The following FRY variants were observed in gnomAD, a reference collection of about 807,000 sequenced individuals.
FRY encodes the protein FRY microtubule binding protein, also known as protein furry homolog.
FRY carries 128 observed loss-of-function variants against 348.4 expected under a neutral mutation model. The observed-to-expected ratio is 0.37, with a 90% CI of 0.32 to 0.43. The LOEUF (loss-of-function observed/expected upper bound fraction) is 0.43, where lower values mean the gene tolerates loss of function less well. Ranked by LOEUF, FRY falls within the 20% of genes least tolerant of loss-of-function variation. FRY has a pLI of 1.00. For synonymous variants in FRY, 1,370 were observed against 1,374.7 expected, an observed-to-expected ratio of 1.00 and a Z score of 0.08; for missense variants, 2,736 against 3,695.2, an observed-to-expected ratio of 0.74 and a Z score of 6.73.
At chr13:32,265,077 T>C (rs1339624095) in intron 53 of FRY, among the ~76,000 whole-genome samples, 1 of 152,224 alleles carries the variant, frequency 6.6e-6, no homozygotes, top group African/African-American at 2.4e-5. Context: ...GGACCTGATA[T>C]TAGACAAGTC....
intron 41 of FRY, among the ~76,000 whole-genome samples, chr13:32,234,371 C>T (rs1194118057): frequency 6.6e-6 from 1 of 151,652 alleles, no homozygotes; most frequent in Admixed American, 6.6e-5. Flanking sequence ...TGCAGTGAGC[C>T]GTGATCATGC....
At chr13:32,155,893 A>G (rs146262649) in intron 15 of FRY, among the ~76,000 whole-genome samples, 3 of 152,300 alleles carry the variant, frequency 2.0e-5, no homozygotes, top group East Asian at 1.9e-4. Context: ...ACTTTTATCT[A>G]TGGTCTTTTT....
chr13:32,168,406 T>C (rs1486810503), intron 17 of FRY, among the ~76,000 whole-genome samples: 1 of 152,142 alleles, frequency 6.6e-6, no homozygotes, highest in African/African-American at 2.4e-5. Context: ...TAAATGTTAA[T>C]CTCATCCACA....
At chr13:32,121,592 G>T in intron 4 of FRY, among the ~76,000 whole-genome samples, 1 of 152,176 alleles carries the variant, frequency 6.6e-6, no homozygotes, top group East Asian at 1.9e-4. Flanking sequence ...TCTGAGAATT[G>T]TCTACTCATG....
rs568411517 is a variant in FRY at position 32,092,043 on chromosome 13, A to G, written c.271-9920A>G. 2.0e-5 allele frequency among the ~76,000 whole-genome samples: 3 copies of G among 152,374 alleles called. No individual in the cohort carries two copies. In the East Asian group the frequency reaches 5.8e-4, roughly 29 times the overall value. On this transcript the variant is annotated intron_variant, in intron 2 of 60. Transcript: ENST00000542859. ...TAACTCCAATAGCATTGCTGGGTTA[A>G]ACACATTCATTGAAATCTCTCTAAA... is the stretch of plus-strand genomic sequence containing the variant.
chr13:32,235,871 T>C lies in FRY; in HGVS notation c.5716-207T>C, dbSNP rs369397748. ...AAATGAAAGTGATCTGTTGAGGCTC[T>C]TAGACATAGGAAAATAAATTTGTAT... On this transcript the variant is annotated intron_variant, in intron 42 of 60. Transcript: ENST00000542859. 5.3e-5 allele frequency among the ~76,000 whole-genome samples: 8 copies of C among 152,326 alleles called. No individual in the cohort carries two copies. The South Asian group carries it at 1.2e-3, about 24-fold the overall frequency.
chr13:32,038,275 A>G (rs1490375091), intron 1 of FRY, among the ~76,000 whole-genome samples: 1 of 152,250 alleles, frequency 6.6e-6, no homozygotes, highest in African/African-American at 2.4e-5. Context: ...TAGAACTTTT[A>G]AAAAATGCAA....
intron 2 of FRY, among the ~76,000 whole-genome samples, chr13:32,097,651 G>A (rs1326568076): frequency 6.6e-6 from 1 of 151,744 alleles, no homozygotes; most frequent in African/African-American, 2.4e-5. Flanking sequence ...ATAAGCCACC[G>A]TGCCCGGCCC....
chr13:32,218,951 T>C lies in FRY; in HGVS notation c.4765+120T>C, dbSNP rs1593757927. The C allele has an allele frequency of 4.3e-6, 3 of 699,942 alleles. No individual in the cohort carries two copies. In the East Asian group the frequency reaches 8.2e-5, roughly 19 times the overall value. The allele number at this position is 699,942 out of a possible 1,614,324, so 43.4% of individuals were successfully genotyped here. ...AGGGCCTATAGATATTAAGTAACCA[T>C]TTAATCCACCTATGCAGATGAGCAT... On this transcript the variant is annotated intron_variant, in intron 36 of 60. Coordinates refer to ENST00000542859, the MANE Select transcript of FRY (RefSeq NM_023037.3).
rs769832751 is a variant in FRY at position 32,155,680 on chromosome 13, A to G, written c.1651+18A>G. 6.3e-6 allele frequency: 10 copies of G among 1,590,244 alleles called. No individual in the cohort carries two copies. The highest frequency in any genetic ancestry group is 1.1e-5 in the South Asian group (1 of 90,206). On this transcript the variant is annotated intron_variant, in intron 15 of 60. Transcript: ENST00000542859. Reference sequence around the variant, plus strand: ...AATGATAGGTGAGTTTCAGAAGTGCATAAGAACTAAGCCTTATTAAGCCCT... The same window carrying G: ...AATGATAGGTGAGTTTCAGAAGTGCGTAAGAACTAAGCCTTATTAAGCCCT...
intron 1 of FRY, among the ~76,000 whole-genome samples, chr13:32,056,239 T>G (rs1235501896): frequency 2.0e-5 from 3 of 147,078 alleles, no homozygotes; most frequent in Admixed American, 1.4e-4. Flanking sequence ...AGAGAATGGG[T>G]GATCTTTGGA....
intron 17 of FRY, among the ~76,000 whole-genome samples, chr13:32,168,628 C>A (rs1390148297): frequency 6.6e-6 from 1 of 152,228 alleles, no homozygotes. Flanking sequence ...CTTCTTTCAG[C>A]AACTACTGAA....
intron 29 of FRY, among the ~76,000 whole-genome samples, chr13:32,195,306 A>G (rs771385835): frequency 1.3e-5 from 2 of 152,188 alleles, no homozygotes; most frequent in Non-Finnish European, 2.9e-5. Context: ...CTGATTTTCC[A>G]TCAAGTTTTA....
chr13:32,154,617 A>G (rs1880992900), intron 14 of FRY, among the ~76,000 whole-genome samples: 1 of 152,206 alleles, frequency 6.6e-6, no homozygotes, highest in Admixed American at 6.5e-5. Context: ...AAAGTTAATG[A>G]GCAGTGCTGG....
intron 2 of FRY, among the ~76,000 whole-genome samples, chr13:32,098,022 C>T (rs451758): frequency 0.49 from 74,020 of 151,720 alleles, 18,717 homozygotes; most frequent in South Asian, 0.65. Flanking sequence ...AACTGGACAC[C>T]ACTGTCCTAG....
chr13:32,092,402 A>G (rs1252287485), intron 2 of FRY, among the ~76,000 whole-genome samples: 1 of 152,216 alleles, frequency 6.6e-6, no homozygotes, highest in South Asian at 2.1e-4. Flanking sequence ...ACAGAGATGT[A>G]TGATATGAAA....
At chr13:32,189,210 A>T (rs1326172366) in intron 28 of FRY, among the ~76,000 whole-genome samples, 1 of 152,180 alleles carries the variant, frequency 6.6e-6, no homozygotes, top group Non-Finnish European at 1.5e-5. Context: ...CTTCAATTTC[A>T]GCAGGATTCA....
chr13:32,064,029 G>A (rs1274424048), intron 1 of FRY, among the ~76,000 whole-genome samples: 3 of 152,152 alleles, frequency 2.0e-5, no homozygotes, highest in South Asian at 2.1e-4. Flanking sequence ...GCTACAGGAC[G>A]AATAAAGCAA....
At chr13:32,273,762 T>C (rs1467252625) in intron 55 of FRY, among the ~76,000 whole-genome samples, 3 of 152,192 alleles carry the variant, frequency 2.0e-5, no homozygotes, top group Non-Finnish European at 2.9e-5. Context: ...TTGACCTTTT[T>C]CATCTTGTCC....
Sources: allele counts gnomAD v4.1 joint callset (sites outside exome capture counted in the v4.1 genomes callset), GRCh38; gene constraint gnomAD v4.1.1; transcripts MANE v1.5; gene names NCBI Gene and HGNC (gene_info 2026-07-23, HGNC 2026-07-21).